Variants in AFG3L2 observed in about 807,000 individuals in gnomAD.
AFG3L2 encodes AFG3 like matrix AAA peptidase subunit 2.
In AFG3L2, 54 loss-of-function variants were observed where a neutral mutation model predicts 94.5. That is an observed-to-expected ratio of 0.57 (90% confidence interval 0.46 to 0.72). The LOEUF (loss-of-function observed/expected upper bound fraction) is 0.72, where lower values mean the gene tolerates loss of function less well. Among genes scored for constraint, AFG3L2 ranks in the 30% least tolerant of loss-of-function variants. The pLI is 0.00. For missense variants in AFG3L2, 754 were observed against 994.9 expected (o/e 0.76, Z 3.26); for synonymous variants, 377 against 365.5 (o/e 1.03, Z -0.36).
At chr18:12,362,842 G>T (rs574265704) in intron 6 of AFG3L2, among the ~76,000 whole-genome samples, 1 of 152,334 alleles carries the variant, frequency 6.6e-6, no homozygotes, top group South Asian at 2.1e-4. Flanking sequence ...TTCCCTCCTA[G>T]AAGCAGAGGG....
Position 12,329,336 on chromosome 18 carries a change from T to G in AFG3L2, c.*229A>C. On this transcript the variant is annotated 3_prime_UTR_variant, in exon 17 of 17. Coordinates refer to ENST00000269143, the MANE Select transcript of AFG3L2 (RefSeq NM_006796.3). ...CTTTCCAGCACGTCTGGGAGCCCAA[T>G]GAGGCTATGGGACAGTGTGCATTTC... The G allele has an allele frequency of 1.5e-6, 1 of 672,776 alleles. No homozygotes were observed. The highest frequency in any genetic ancestry group is 1.6e-5 in the South Asian group (1 of 61,716). 41.7% of individuals were successfully genotyped at this position (672,776 alleles called of 1,614,324 possible). A position where few individuals can be genotyped will look rare whatever the true frequency, so the allele number is the denominator to read the frequency against.
At position 12,370,242 on chromosome 18, in the gene AFG3L2, G is replaced by C. The variant is rs1015941876; in HGVS notation, c.292+607C>G. 1.6e-4 allele frequency among the ~76,000 whole-genome samples: 25 copies of C among 152,130 alleles called. No individual in the cohort carries two copies. In the South Asian group the frequency reaches 3.7e-3, roughly 23 times the overall value. On this transcript the variant is annotated intron_variant, in intron 3 of 16. Coordinates refer to ENST00000269143, the MANE Select transcript of AFG3L2 (RefSeq NM_006796.3). Reference sequence around the variant, plus strand: ...TGTATCAAATAAATTGCATGTATTAGATTTCTACGATTTTTCTCAATGTTT... The same window carrying C: ...TGTATCAAATAAATTGCATGTATTACATTTCTACGATTTTTCTCAATGTTT...
chr18:12,359,054 T>C (rs1908580840), intron 7 of AFG3L2, 111 bp from the exon 8 acceptor site: 2 of 1,453,736 alleles, frequency 1.4e-6, no homozygotes, highest in Admixed American at 2.0e-5. Flanking sequence ...GTATACCTTC[T>C]GCACTTAATA....
intron 8 of AFG3L2, 118 bp from the exon 9 acceptor site, chr18:12,356,949 AT>A: frequency 3.0e-6 from 3 of 1,001,350 alleles, no homozygotes; most frequent in Non-Finnish European, 4.4e-6. Context: ...TATATTAAAT[AT>A]TACTTAAACA....
chr18:12,352,964 A>AC, intron 10 of AFG3L2, 41 bp downstream of exon 10: 1 of 1,609,942 alleles, frequency 6.2e-7, no homozygotes, highest in Non-Finnish European at 8.5e-7. Flanking sequence ...AAAAAAAAAA[A>AC]CAAAAGTGCA....
rs922603026 is a variant in AFG3L2, at chr18:12,377,190, G to T, written c.-108C>A. On this transcript the variant is annotated 5_prime_UTR_variant, in exon 1 of 17. Transcript: ENST00000269143. ...GCTCGGGGAAAGGCCGCCAGGCAGC[G>T]AAGCGCGCCGGCGGCTCACGGAGGA... The T allele has an allele frequency of 7.0e-6, 6 of 862,336 alleles. No individual in the cohort carries two copies. Among genetic ancestry groups the T allele is most frequent in the Non-Finnish European group, 1.0e-5 (6 of 585,370 alleles). 53.4% of individuals were successfully genotyped at this position (862,336 alleles called of 1,614,324 possible).
At chr18:12,348,139 A>G in intron 13 of AFG3L2, 134 bp downstream of exon 13, 1 of 748,644 alleles carries the variant, frequency 1.3e-6, no homozygotes, top group East Asian at 2.7e-5. Context: ...ACACCAAGAG[A>G]GCACAAATGT....
Position 12,377,060 on chromosome 18 carries a change from A to G in AFG3L2, c.23T>C (p.Leu8Pro). MAHRCLR[L>P]WGRGGCWPRG... ...GGGCCAGCAGCCGCCCCGGCCCCACAGCCGCAAACAGCGGTGCGCCATGGC... is the reference window on the plus strand; with the variant it reads ...GGGCCAGCAGCCGCCCCGGCCCCACGGCCGCAAACAGCGGTGCGCCATGGC... Residue 8 changes from leucine (L) to proline (P), a missense_variant, in exon 1 of 17, where the codon CTG becomes CCG. Coordinates refer to ENST00000269143, the MANE Select transcript of AFG3L2 (RefSeq NM_006796.3). The G allele has an allele frequency of 7.0e-7, 1 of 1,433,242 alleles. No homozygotes were observed. Among genetic ancestry groups the G allele is most frequent in the Non-Finnish European group, 9.1e-7 (1 of 1,094,366 alleles). The allele number at this position is 1,433,242 out of a possible 1,614,324, so 88.8% of individuals were successfully genotyped here.
chr18:12,369,525 G>A (rs1218839308), intron 3 of AFG3L2, among the ~76,000 whole-genome samples: 1 of 151,610 alleles, frequency 6.6e-6, no homozygotes, highest in African/African-American at 2.4e-5. Flanking sequence ...GAGGTCAGGA[G>A]TTCAAGACCA....
chr18:12,362,890 C>T (rs1908703688), intron 6 of AFG3L2, among the ~76,000 whole-genome samples: 1 of 151,602 alleles, frequency 6.6e-6, no homozygotes, highest in South Asian at 2.1e-4. Flanking sequence ...CTGGAACACA[C>T]GTTGCCTACC....
At chr18:12,330,018 A>G (rs1907467343) in intron 16 of AFG3L2, among the ~76,000 whole-genome samples, 1 of 151,080 alleles carries the variant, frequency 6.6e-6, no homozygotes, top group Admixed American at 6.6e-5. Flanking sequence ...ACATCTGCAC[A>G]ATGAATGCTG....
intron 13 of AFG3L2, among the ~76,000 whole-genome samples, chr18:12,345,646 T>C (rs1196257547): frequency 6.6e-6 from 1 of 152,172 alleles, no homozygotes; most frequent in African/African-American, 2.4e-5. Flanking sequence ...CCTATCTCAC[T>C]ACACAACACT....
chr18:12,349,499 T>A (rs1908246511), intron 12 of AFG3L2, among the ~76,000 whole-genome samples: 1 of 152,114 alleles, frequency 6.6e-6, no homozygotes, highest in Admixed American at 6.6e-5. Context: ...ACAGCCCAAA[T>A]GGCCATCAAC....
chr18:12,356,119 A>AT (rs1254909441), intron 9 of AFG3L2, among the ~76,000 whole-genome samples: 1 of 77,198 alleles, frequency 1.3e-5, no homozygotes, highest in Non-Finnish European at 3.6e-5. Context: ...AAATGTTGTC[A>AT]CCAAAAAAAA....
chr18:12,352,263 G>A (rs959606992), intron 10 of AFG3L2, among the ~76,000 whole-genome samples: 3 of 152,214 alleles, frequency 2.0e-5, no homozygotes, highest in African/African-American at 4.8e-5. Flanking sequence ...CAATGTGAAC[G>A]CAACAGGGGC....
intron 3 of AFG3L2, among the ~76,000 whole-genome samples, chr18:12,368,035 C>T (rs956070744): frequency 2.6e-5 from 4 of 151,980 alleles, no homozygotes; most frequent in Admixed American, 1.3e-4. Flanking sequence ...GGCATGGTGG[C>T]GCATGCCTGT....
intron 12 of AFG3L2, among the ~76,000 whole-genome samples, chr18:12,350,708 G>A (rs927708414): frequency 6.6e-6 from 1 of 152,182 alleles, no homozygotes; most frequent in Non-Finnish European, 1.5e-5. Flanking sequence ...CACTTTGGGA[G>A]GCCAAGGCAG....
intron 8 of AFG3L2, among the ~76,000 whole-genome samples, chr18:12,357,177 G>A (rs1908522487): frequency 6.6e-6 from 1 of 152,132 alleles, no homozygotes; most frequent in Admixed American, 6.6e-5. Flanking sequence ...AATTTAAGAA[G>A]ACACCAACAC....
chr18:12,344,095 C>T (rs1908043885), intron 14 of AFG3L2, 37 bp downstream of exon 14: 2 of 1,538,972 alleles, frequency 1.3e-6, no homozygotes, highest in Non-Finnish European at 1.8e-6. Flanking sequence ...TCTGCTCACC[C>T]ATGCACTGGC....
Sources: gnomAD v4.1 joint callset for allele counts (sites outside exome capture counted in the v4.1 genomes callset) on GRCh38, gnomAD v4.1.1 for gene constraint, MANE v1.5 for transcripts, NCBI Gene and HGNC (gene_info 2026-07-23, HGNC 2026-07-21) for gene names.